GPER1: variants seen among roughly 807,000 people sequenced by gnomAD.
GPER1 encodes the protein G protein-coupled estrogen receptor 1, also known as G protein-coupled receptor 30.
A neutral mutation model predicts 0.6 loss-of-function variants in GPER1; 2 were observed. The observed-to-expected ratio is 3.41, with a 90% CI of 1.39 to 10.72. The LOEUF (loss-of-function observed/expected upper bound fraction) is 10.72. Ranked by LOEUF, GPER1 falls within the 30% of genes most tolerant of loss-of-function variation. The pLI is 0.04. For missense variants in GPER1, 441 were observed against 535.2 expected (o/e 0.82, Z 1.74); for synonymous variants, 263 against 247.6 (o/e 1.06, Z -0.58).
At position 1,092,052 on chromosome 7, in the gene GPER1, G is replaced by C. The variant is rs1320455762; in HGVS notation, c.324G>C (p.Leu108=). 2 of 1,614,010 alleles carry C rather than the reference G, an allele frequency of 1.2e-6. No individual in the cohort carries two copies. The highest frequency in any genetic ancestry group is 1.7e-5 in the Admixed American group (1 of 60,028). Residue 108 remains leucine (L), a synonymous_variant, in exon 2 of 2, where the codon CTG becomes CTC. Transcript: ENST00000397088. ...FINLAVADLI[L]VADSLIEVFN... Reference sequence around the variant, plus strand: ...ACCTGGCGGTGGCGGACCTCATCCTGGTGGCCGACTCCCTCATTGAGGTGT... The same window carrying C: ...ACCTGGCGGTGGCGGACCTCATCCTCGTGGCCGACTCCCTCATTGAGGTGT...
At chr7:1,087,152 T>G (rs1787462052), upstream of GPER1, 3 of 152,180 alleles carry the variant, frequency 2.0e-5, no homozygotes, top group South Asian at 6.3e-4. Flanking sequence ...GGAGGGAGGT[T>G]TATTCTCCGC....
chr7:1,092,705 T>C lies in GPER1; in HGVS notation c.977T>C (p.Phe326Ser). ...TGCCTAAACCCCCTCATCTACAGCT[T>C]TCTCGGGGAGACCTTCAGGGACAAG... ...NSCLNPLIYS[F>S]LGETFRDKLR... is the part of the protein sequence containing the mutation. Residue 326 changes from phenylalanine (F) to serine (S), a missense_variant, in exon 2 of 2, where the codon TTT (phenylalanine) becomes TCT (serine). Physicochemically the swap from Phe to Ser is radical, Grantham distance 155 (BLOSUM62 -2). Coordinates refer to ENST00000397088, the MANE Select transcript of GPER1 (RefSeq NM_001098201.3). 1 of 1,613,470 alleles carries C rather than the reference T, an allele frequency of 6.2e-7. No individual in the cohort carries two copies. Among genetic ancestry groups the C allele is most frequent in the Non-Finnish European group, 8.5e-7 (1 of 1,180,016 alleles).
At chr7:1,087,697 C>G (rs1371836202), upstream of GPER1, among the ~76,000 whole-genome samples, 4 of 152,238 alleles carry the variant, frequency 2.6e-5, no homozygotes, top group African/African-American at 9.6e-5. Context: ...GATTACACTT[C>G]TCTCTGCAAA....
chr7:1,091,796 C>T lies in GPER1; in HGVS notation c.68C>T (p.Ala23Val). ...EMYPGTAQPAAPNTTSPELNL... is the reference protein window; with the variant it reads ...EMYPGTAQPAVPNTTSPELNL... ...TACCCAGGCACCGCGCAGCCTGCGG[C>T]CCCCAACACCACCTCCCCCGAGCTC... Residue 23 changes from alanine to valine, a missense_variant, in exon 2 of 2, where the codon GCC becomes GTC. Physicochemically the swap from Ala to Val is moderately conservative, Grantham distance 64 (BLOSUM62 0). Transcript: ENST00000397088. 6.3e-7 allele frequency: 1 copy of T among 1,591,988 alleles called. No homozygotes were observed. Among genetic ancestry groups the T allele is most frequent in the South Asian group, 1.1e-5 (1 of 88,696 alleles).
Position 1,092,418 on chromosome 7 carries a change from C to T in GPER1, c.690C>T (p.Ile230=), listed in dbSNP as rs368234390. ...GCTTCATCGTGCCCTTCGCCATCAT[C>T]GGCCTGTGCTACTCCCTCATTGTCC... The part of the protein sequence containing the change: ...TLGFIVPFAI[I]GLCYSLIVRV... Residue 230 remains isoleucine (I), a synonymous_variant, in exon 2 of 2, where the codon ATC becomes ATT. Transcript: ENST00000397088. The T allele has an allele frequency of 2.7e-5, 44 of 1,608,502 alleles. No homozygotes were observed. Among genetic ancestry groups the T allele is most frequent in the South Asian group, 1.7e-4 (15 of 90,846 alleles).
In GPER1 at chr7:1,092,952, C is replaced by G; in HGVS notation, c.*96C>G. On this transcript the variant is annotated 3_prime_UTR_variant, in exon 2 of 2. Coordinates refer to ENST00000397088, the MANE Select transcript of GPER1 (RefSeq NM_001098201.3). ...ACGGCCACGTCATGTCTCTAAACTG[C>G]GGTCAGATGTGGCTTCTGGCTCCTC... The G allele has an allele frequency of 8.4e-7, 1 of 1,196,310 alleles. No homozygotes were observed. Among genetic ancestry groups the G allele is most frequent in the Middle Eastern group, 1.9e-4 (1 of 5,242 alleles). 74.1% of individuals were successfully genotyped at this position (1,196,310 alleles called of 1,614,324 possible).
Position 1,092,646 on chromosome 7 carries a change from C to T in GPER1, c.918C>T (p.Gly306=). The change falls in exon 2 of 2, where the codon GGC becomes GGT. Residue 306 remains glycine, a synonymous_variant. Transcript: ENST00000397088. ...TCCGCCATGCCCACCCCCTCACGGG[C>T]CACATTGTCAACCTCGCCGCCTTCT... ...QSFRHAHPLT[G]HIVNLAAFSN... is the part of the protein sequence containing the mutation. The T allele has an allele frequency of 1.2e-6, 2 of 1,612,920 alleles. No individual in the cohort carries two copies. The highest frequency in any genetic ancestry group is 4.5e-5 in the East Asian group (2 of 44,880).
Position 1,092,750 on chromosome 7 carries a change from A to G in GPER1, c.1022A>G (p.Gln341Arg). 1 of 1,613,682 alleles carries G rather than the reference A, an allele frequency of 6.2e-7. No homozygotes were observed. Among genetic ancestry groups the G allele is most frequent in the East Asian group, 2.2e-5 (1 of 44,868 alleles). ...GACAAGCTGAGGCTGTACATTGAGC[A>G]GAAAACAAATTTGCCGGCCCTGAAC... ...FRDKLRLYIE[Q>R]KTNLPALNRF... is the part of the protein sequence containing the mutation. Residue 341 changes from glutamine to arginine, a missense_variant, in exon 2 of 2, where the codon CAG becomes CGG. Transcript: ENST00000397088.
Position 1,092,193 on chromosome 7 carries a change from C to G in GPER1, c.465C>G (p.Arg155=). ...VFFLTWMSFD[R]YIALARAMRC... Reference sequence around the variant, plus strand: ...TCCTCACCTGGATGAGCTTCGACCGCTACATCGCCCTGGCCAGGGCCATGC... The same window carrying G: ...TCCTCACCTGGATGAGCTTCGACCGGTACATCGCCCTGGCCAGGGCCATGC... The change falls in exon 2 of 2, where the codon CGC becomes CGG. Residue 155 remains arginine, a synonymous_variant. Coordinates refer to ENST00000397088, the MANE Select transcript of GPER1 (RefSeq NM_001098201.3). 1 of 1,613,262 alleles carries G rather than the reference C, an allele frequency of 6.2e-7. No individual in the cohort carries two copies. Among genetic ancestry groups the G allele is most frequent in the East Asian group, 2.2e-5 (1 of 44,872 alleles).
Position 1,091,432 on chromosome 7 carries a change from G to A in GPER1, c.-297G>A, listed in dbSNP as rs1415135281. ...GTACCCAGAGAGTGAGCAGCTCCAC[G>A]CGGGACTGTGCACGGTGGCCGACAC... On this transcript the variant is annotated 5_prime_UTR_variant, in exon 2 of 2. Coordinates refer to ENST00000397088, the MANE Select transcript of GPER1 (RefSeq NM_001098201.3). 1.9e-5 allele frequency: 7 copies of A among 376,678 alleles called. No homozygotes were observed. The highest frequency in any genetic ancestry group is 1.7e-4 in the South Asian group (3 of 17,568). 23.3% of individuals were successfully genotyped at this position (376,678 alleles called of 1,614,324 possible). A position where few individuals can be genotyped will look rare whatever the true frequency, so the allele number is the denominator to read the frequency against.
rs748280302 is a variant in GPER1, at chr7:1,092,295, G to T, written c.567G>T (p.Thr189=). The T allele has an allele frequency of 6.2e-7, 1 of 1,611,682 alleles. No individual in the cohort carries two copies. The highest frequency in any genetic ancestry group is 1.3e-5 in the African/African-American group (1 of 74,936). The change falls in exon 2 of 2, where the codon ACG becomes ACT. Residue 189 remains threonine (T), a synonymous_variant. Transcript: ENST00000397088. ...GLIWMASVSA[T]LVPFTAVHLQ... is the part of the protein sequence containing the mutation. ...TCTGGATGGCATCCGTGTCAGCCAC[G>T]CTGGTGCCCTTCACCGCCGTGCACC...
intron 1 of GPER1, among the ~76,000 whole-genome samples, chr7:1,090,046 T>C (rs1170323697): frequency 6.6e-6 from 1 of 151,514 alleles, no homozygotes; most frequent in African/African-American, 2.4e-5. Flanking sequence ...ATTGTGCCAC[T>C]GCACTCCAAC....
Position 1,091,499 on chromosome 7 carries a change from CCTCCA to C in GPER1, c.-228_-224del. 3.9e-6 allele frequency: 2 copies of C among 519,462 alleles called. No homozygotes were observed. The highest frequency in any genetic ancestry group is 1.9e-5 in the African/African-American group (1 of 52,482). 32.2% of individuals were successfully genotyped at this position (519,462 alleles called of 1,614,324 possible). A position where few individuals can be genotyped will look rare whatever the true frequency, so the allele number is the denominator to read the frequency against. ...CGGACGAGCACGCGGAGGGCCCTCG[CCTCCA>C]CGGATGCACCATGCCGGTGTGAGGA... On this transcript the variant is annotated 5_prime_UTR_variant, in exon 2 of 2. Transcript: ENST00000397088.
At position 1,088,702 on chromosome 7, in the gene GPER1, C is replaced by T. The variant is rs546167337; in HGVS notation, c.-323+381C>T. Among the ~76,000 whole-genome samples the T allele has an allele frequency of 3.9e-5, 6 of 152,348 alleles. No individual in the cohort carries two copies. In the South Asian group the frequency reaches 1.0e-3, roughly 26 times the overall value. On this transcript the variant is annotated intron_variant, in intron 1 of 1. Transcript: ENST00000397088. The surrounding 1 kb of genome is among the most constrained non-coding windows in gnomAD (Gnocchi z 4.5). ...ACCCTGAAGCCCTGGGAGGGCCACA[C>T]GCCTTTTGACAGATGCAGACTTAAT...
At chr7:1,091,004 C>T (rs927358829) in intron 1 of GPER1, among the ~76,000 whole-genome samples, 1 of 152,156 alleles carries the variant, frequency 6.6e-6, no homozygotes, top group African/African-American at 2.4e-5. Flanking sequence ...GCTTTCCCTT[C>T]CTATCTTACT....
chr7:1,092,430 C>A lies in GPER1; in HGVS notation c.702C>A (p.Tyr234Ter). 1 of 1,608,918 alleles carries A rather than the reference C, an allele frequency of 6.2e-7. No homozygotes were observed. The highest frequency in any genetic ancestry group is 8.5e-7 in the Non-Finnish European group (1 of 1,178,936). Reference sequence around the variant, plus strand: ...CCTTCGCCATCATCGGCCTGTGCTACTCCCTCATTGTCCGGGTGCTGGTCA... The same window carrying A: ...CCTTCGCCATCATCGGCCTGTGCTAATCCCTCATTGTCCGGGTGCTGGTCA... ...IVPFAIIGLC[Y>*]SLIVRVLVRA... The change falls in exon 2 of 2, where the codon TAC becomes TAA. Residue 234 changes from tyrosine to a stop codon, truncating the protein, a stop_gained. Transcript: ENST00000397088. LOFTEE classifies it high-confidence loss of function.
At position 1,092,765 on chromosome 7, in the gene GPER1, C is replaced by G. The variant is rs749990132; in HGVS notation, c.1037C>G (p.Pro346Arg). The G allele has an allele frequency of 5.6e-6, 9 of 1,613,650 alleles. No individual in the cohort carries two copies. In the East Asian group the frequency reaches 2.0e-4, roughly 36 times the overall value. The part of the protein sequence containing the change: ...RLYIEQKTNL[P>R]ALNRFCHAAL... ...TACATTGAGCAGAAAACAAATTTGC[C>G]GGCCCTGAACCGCTTCTGTCACGCT... The change falls in exon 2 of 2, where the codon CCG becomes CGG. Residue 346 changes from proline (P) to arginine (R), a missense_variant. Physicochemically the swap from Pro to Arg is moderately radical, Grantham distance 103. Transcript: ENST00000397088.
chr7:1,092,222 G>T lies in GPER1; in HGVS notation c.494G>T (p.Cys165Phe). ...ATCGCCCTGGCCAGGGCCATGCGCT[G>T]CAGCCTGTTCCGCACCAAGCACCAC... The part of the protein sequence containing the change: ...RYIALARAMR[C>F]SLFRTKHHAR... The change falls in exon 2 of 2, where the codon TGC (cysteine) becomes TTC (phenylalanine). Residue 165 changes from cysteine to phenylalanine, a missense_variant. Transcript: ENST00000397088. The T allele has an allele frequency of 1.2e-6, 2 of 1,612,846 alleles. No individual in the cohort carries two copies. Among genetic ancestry groups the T allele is most frequent in the Non-Finnish European group, 1.7e-6 (2 of 1,180,038 alleles).
Position 1,088,808 on chromosome 7 carries a change from CA to C in GPER1, c.-323+488del, listed in dbSNP as rs1787651577. Among the ~76,000 whole-genome samples, 1 of 152,078 alleles carries C rather than the reference CA, an allele frequency of 6.6e-6. No individual in the cohort carries two copies. Among genetic ancestry groups the C allele is most frequent in the Non-Finnish European group, 1.5e-5 (1 of 68,026 alleles). ...TGAGGTATTGCACTGTTTATAACTC[CA>C]TGGCCACCTCCAGTGAGGACGTGGG... On this transcript the variant is annotated intron_variant, in intron 1 of 1. Transcript: ENST00000397088. The surrounding 1 kb of genome is among the most constrained non-coding windows in gnomAD (Gnocchi z 4.5).
Sources: gnomAD v4.1 joint callset for allele counts (sites outside exome capture counted in the v4.1 genomes callset) on GRCh38, gnomAD v4.1.1 for gene constraint, Gnocchi (gnomAD v3.1) non-coding constraint, MANE v1.5 for transcripts, NCBI Gene and HGNC (gene_info 2026-07-23, HGNC 2026-07-21) for gene names.